The following DYRK4 variants were observed in gnomAD, a reference collection of about 807,000 sequenced individuals.
DYRK4 encodes the protein dual specificity tyrosine phosphorylation regulated kinase 4.
DYRK4 carries 64 observed loss-of-function variants against 68.3 expected under a neutral mutation model. The ratio of observed to expected loss-of-function variants is 0.94; its 90% confidence interval spans 0.77 to 1.15. DYRK4 has a LOEUF of 1.15. DYRK4 is among the 50% of genes most tolerant of loss of function. DYRK4 has a pLI of 0.00. For synonymous variants in DYRK4, 274 were observed against 289.9 expected (o/e 0.95, Z 0.56); for missense variants, 740 against 764.7 (o/e 0.97, Z 0.38).
At chr12:4,562,717 G>C (rs1353047646) in intron 1 of DYRK4, among the ~76,000 whole-genome samples, 2 of 152,198 alleles carry the variant, frequency 1.3e-5, no homozygotes, top group Non-Finnish European at 2.9e-5. Flanking sequence ...GCCTCGCGTG[G>C]ATGAGGCTCT....
At chr12:4,606,292 G>GAATATCTA (rs1565542598) in intron 11 of DYRK4, among the ~76,000 whole-genome samples, 1 of 114,350 alleles carries the variant, frequency 8.7e-6, no homozygotes, top group East Asian at 3.5e-4. Context: ...CTGGCTGGCT[G>GAATATCTA]GCTATCTATC....
chr12:4,607,662 A>G (rs369656940), intron 12 of DYRK4, among the ~76,000 whole-genome samples: 27 of 152,286 alleles, frequency 1.8e-4, no homozygotes, highest in African/African-American at 6.0e-4. Context: ...AAATATTGCA[A>G]CCTCAAAATA....
chr12:4,574,176 G>A (rs1944761339), intron 2 of DYRK4, among the ~76,000 whole-genome samples: 1 of 147,156 alleles, frequency 6.8e-6, no homozygotes, highest in Non-Finnish European at 1.5e-5. Flanking sequence ...AGTGCGCCGA[G>A]ATCGCGCCAC....
At chr12:4,586,729 C>CACACAG (rs368783190) in intron 2 of DYRK4, among the ~76,000 whole-genome samples, 26 of 112,360 alleles carry the variant, frequency 2.3e-4, no homozygotes, top group African/African-American at 5.1e-4. Flanking sequence ...CACACACACA[C>CACACAG]ACAGACACAC....
intron 6 of DYRK4, 99 bp downstream of exon 6, chr12:4,593,264 A>C: frequency 7.3e-7 from 1 of 1,372,448 alleles, no homozygotes; most frequent in Non-Finnish European, 9.8e-7. Context: ...TTTGGGGCTG[A>C]TACGTTGGAG....
chr12:4,566,889 G>C (rs1263043820), intron 1 of DYRK4, among the ~76,000 whole-genome samples: 2 of 152,126 alleles, frequency 1.3e-5, no homozygotes, highest in Non-Finnish European at 2.9e-5. Flanking sequence ...ATTTCTTCTA[G>C]ATCTTTCAAT....
chr12:4,564,722 G>A (rs1221526863), intron 1 of DYRK4, among the ~76,000 whole-genome samples: 2 of 152,136 alleles, frequency 1.3e-5, no homozygotes, highest in East Asian at 3.9e-4. Flanking sequence ...TGATGCTCTG[G>A]AATTTTTTGA....
chr12:4,574,032 T>C (rs1424603594), intron 2 of DYRK4, among the ~76,000 whole-genome samples: 2 of 152,018 alleles, frequency 1.3e-5, no homozygotes, highest in Admixed American at 6.6e-5. Context: ...GAGACCATCC[T>C]GGCTAACACG....
In DYRK4 at chr12:4,591,525, G is replaced by A. The variant is rs1416280450; in HGVS notation, c.463+227G>A. The A allele has an allele frequency of 1.4e-5, 8 of 558,414 alleles. No homozygotes were observed. Among genetic ancestry groups the A allele is most frequent in the Non-Finnish European group, 1.8e-5 (6 of 330,244 alleles). The allele number at this position is 558,414 out of a possible 1,614,324, so 34.6% of individuals were successfully genotyped here. On this transcript the variant is annotated intron_variant, in intron 5 of 14. Coordinates refer to ENST00000543431, the MANE Select transcript of DYRK4 (RefSeq NM_001394779.1). This position sits in a 1 kb window ranked among gnomAD's most constrained non-coding sequence, Gnocchi z 4.1. ...CCCCCAAGGAGTGGCTCTGGGCAAG[G>A]GCGGGATGTACCAATGCAGACAGAA...
intron 1 of DYRK4, among the ~76,000 whole-genome samples, chr12:4,563,618 A>G (rs1182874540): frequency 1.3e-5 from 2 of 152,246 alleles, no homozygotes; most frequent in Admixed American, 6.5e-5. Flanking sequence ...TTGAGATCAC[A>G]AAGAACTGGA....
intron 2 of DYRK4, among the ~76,000 whole-genome samples, chr12:4,570,920 C>T (rs1051103449): frequency 6.6e-6 from 1 of 152,204 alleles, no homozygotes; most frequent in East Asian, 1.9e-4. Context: ...AGTGGAGCTT[C>T]CCTGTCCTTT....
intron 2 of DYRK4, among the ~76,000 whole-genome samples, chr12:4,569,176 A>G (rs1312131368): frequency 6.6e-6 from 1 of 152,110 alleles, no homozygotes; most frequent in East Asian, 1.9e-4. Flanking sequence ...GCTCCACCCC[A>G]CTACCCGTGC....
At chr12:4,602,430 T>C (rs1945092103) in intron 10 of DYRK4, 6 of 1,027,414 alleles carry the variant, frequency 5.8e-6, no homozygotes, top group East Asian at 2.4e-5. Context: ...TGATGAGATA[T>C]GTGCAGACTG....
At chr12:4,601,458 A>G (rs551636214) in intron 10 of DYRK4, among the ~76,000 whole-genome samples, 71 of 152,334 alleles carry the variant, frequency 4.7e-4, no homozygotes, top group African/African-American at 1.6e-3. Context: ...AACATCTACA[A>G]ATGAAGAAGG....
rs753714412 is a variant in DYRK4 at position 4,613,517 on chromosome 12, G to GAGAT, written c.1670_1673dup (p.Thr559AspfsTer12). ...CTGTCTTCTCTCTCCTTTAGCAGAT[G>GAGAT]AGATCACCAAAGAGACTACAGAGAA... On this transcript the variant is annotated frameshift_variant, in exon 15 of 15. Transcript: ENST00000543431. LOFTEE classifies it low-confidence loss of function (END_TRUNC). The surrounding 1 kb of genome is among the most constrained non-coding windows in gnomAD (Gnocchi z 4.0). 11 of 1,610,660 alleles carry GAGAT rather than the reference G, an allele frequency of 6.8e-6. No homozygotes were observed. The South Asian group carries it at 1.1e-4, about 16-fold the overall frequency.
intron 2 of DYRK4, among the ~76,000 whole-genome samples, chr12:4,569,618 T>A (rs1944711227): frequency 6.6e-6 from 1 of 152,030 alleles, no homozygotes; most frequent in Admixed American, 6.6e-5. Context: ...TCTTTTTCAA[T>A]TGTTATTTAA....
chr12:4,586,072 A>AATAAAT (rs1465815200), intron 2 of DYRK4, among the ~76,000 whole-genome samples: 10 of 152,220 alleles, frequency 6.6e-5, no homozygotes, highest in Non-Finnish European at 1.3e-4. Context: ...TAAAAATAAA[A>AATAAAT]ATTAGCTGGG....
chr12:4,602,540 GTGGAGGGATATAAGCCA>G (rs1945093332), intron 10 of DYRK4: 1 of 1,172,560 alleles, frequency 8.5e-7, no homozygotes, highest in African/African-American at 1.7e-5. Context: ...CAACTTATAA[GTGGAGGGATATAAGCCA>G]ACGGCTCTCC....
Position 4,591,114 on chromosome 12 carries a change from G to T in DYRK4, c.325-46G>T. On this transcript the variant is annotated intron_variant, in intron 4 of 14. Coordinates refer to ENST00000543431, the MANE Select transcript of DYRK4 (RefSeq NM_001394779.1). The surrounding 1 kb of genome is among the most constrained non-coding windows in gnomAD (Gnocchi z 4.1). ...TAAATAAATGGTTTATGGCCCCCAGGAGAGTCCTAAGTAGTTATTTATTGC... is the reference window on the plus strand; with the variant it reads ...TAAATAAATGGTTTATGGCCCCCAGTAGAGTCCTAAGTAGTTATTTATTGC... The T allele has an allele frequency of 4.4e-6, 7 of 1,600,974 alleles. No individual in the cohort carries two copies. The highest frequency in any genetic ancestry group is 5.1e-6 in the Non-Finnish European group (6 of 1,173,378).
Sources: gnomAD v4.1 joint callset for allele counts (sites outside exome capture counted in the v4.1 genomes callset) on GRCh38, gnomAD v4.1.1 for gene constraint, Gnocchi (gnomAD v3.1) non-coding constraint, MANE v1.5 for transcripts, NCBI Gene and HGNC (gene_info 2026-07-23, HGNC 2026-07-21) for gene names.